ROBO2: variants seen among roughly 807,000 people sequenced by gnomAD.
ROBO2 encodes roundabout guidance receptor 2.
A neutral mutation model predicts 160.8 loss-of-function variants in ROBO2; 53 were observed. That is an observed-to-expected ratio of 0.33 (90% confidence interval 0.26 to 0.41). ROBO2 has a LOEUF of 0.41. Among genes scored for constraint, ROBO2 ranks in the 10% least tolerant of loss-of-function variants. The pLI is 1.00. For missense variants in ROBO2, 1,577 were observed against 1,722.4 expected, an observed-to-expected ratio of 0.92 and a Z score of 1.49; for synonymous variants, 664 against 611.7, an observed-to-expected ratio of 1.09 and a Z score of -1.26.
chr3:76,140,616 TTTTTTC>T (rs1169826990), intron 2 of ROBO2, among the ~76,000 whole-genome samples: 1 of 151,862 alleles, frequency 6.6e-6, no homozygotes, highest in African/African-American at 2.4e-5. Flanking sequence ...TACCTGTGCC[TTTTTTC>T]AGAGTGTTCC....
intron 2 of ROBO2, among the ~76,000 whole-genome samples, chr3:76,411,124 A>G (rs543538528): frequency 6.6e-6 from 1 of 152,284 alleles, no homozygotes; most frequent in Admixed American, 6.5e-5. Flanking sequence ...GCCATGAACA[A>G]AACTTGGCAG....
At chr3:77,220,715 A>G (rs971624972) in intron 2 of ROBO2, among the ~76,000 whole-genome samples, 2 of 152,292 alleles carry the variant, frequency 1.3e-5, no homozygotes, top group Middle Eastern at 3.4e-3. Context: ...CTTTCATGGT[A>G]GGTGTAACTA....
chr3:77,034,056 C>G (rs942470038), intron 2 of ROBO2, among the ~76,000 whole-genome samples: 1 of 150,284 alleles, frequency 6.7e-6, no homozygotes, highest in African/African-American at 2.5e-5. Flanking sequence ...AATGAAAAAG[C>G]CAAAATTGCT....
At chr3:77,056,832 T>C (rs894342426) in intron 1 of ROBO2, among the ~76,000 whole-genome samples, 2 of 152,106 alleles carry the variant, frequency 1.3e-5, no homozygotes, top group Non-Finnish European at 2.9e-5. Context: ...TATACACATA[T>C]ACACAGATGA....
chr3:76,278,023 G>A (rs1424906535), intron 2 of ROBO2, among the ~76,000 whole-genome samples: 4 of 151,646 alleles, frequency 2.6e-5, no homozygotes. Context: ...AAATAGTGAA[G>A]TAAATAATAG....
chr3:76,732,641 T>G (rs1252636736), intron 2 of ROBO2, among the ~76,000 whole-genome samples: 4 of 152,042 alleles, frequency 2.6e-5, no homozygotes, highest in Admixed American at 2.6e-4. Flanking sequence ...CACTTACTCT[T>G]TGATGGTTGA....
chr3:76,070,492 T>C (rs2068414629), intron 2 of ROBO2, among the ~76,000 whole-genome samples: 1 of 152,200 alleles, frequency 6.6e-6, no homozygotes, highest in Admixed American at 6.5e-5. Flanking sequence ...TAAGATGTTA[T>C]CAATGACAAT....
intron 2 of ROBO2, among the ~76,000 whole-genome samples, chr3:76,582,498 TGTA>T (rs1380906191): frequency 1.3e-5 from 2 of 152,176 alleles, no homozygotes; most frequent in African/African-American, 2.4e-5. Context: ...TGATGTTACT[TGTA>T]GTAAATTTTA....
intron 2 of ROBO2, among the ~76,000 whole-genome samples, chr3:76,787,673 A>G (rs1296291276): frequency 1.3e-5 from 2 of 151,490 alleles, no homozygotes; most frequent in African/African-American, 2.4e-5. Context: ...GGAAGTGACA[A>G]AGTTGTTAGC....
At chr3:77,206,095 A>G (rs891915965) in intron 2 of ROBO2, among the ~76,000 whole-genome samples, 2 of 151,918 alleles carry the variant, frequency 1.3e-5, no homozygotes, top group African/African-American at 4.8e-5. Context: ...CCTTCTCTTC[A>G]CATGCTGTCT....
chr3:76,501,233 G>A (rs1046812344), intron 2 of ROBO2, among the ~76,000 whole-genome samples: 1 of 152,142 alleles, frequency 6.6e-6, no homozygotes, highest in African/African-American at 2.4e-5. Context: ...GAAATAAATT[G>A]TTTAGTTTGC....
At chr3:76,328,053 G>A (rs2107981972) in intron 2 of ROBO2, among the ~76,000 whole-genome samples, 1 of 152,008 alleles carries the variant, frequency 6.6e-6, no homozygotes, top group Admixed American at 6.6e-5. Context: ...AGAGAAAGAA[G>A]CCTTCACTAA....
chr3:76,434,717 TC>T, intron 2 of ROBO2: 1 of 1,061,800 alleles, frequency 9.4e-7, no homozygotes, highest in Non-Finnish European at 1.5e-6. Context: ...GCCCCCCTCC[TC>T]CCCCAGTCTC....
chr3:77,269,537 A>T (rs2059352976), intron 2 of ROBO2, among the ~76,000 whole-genome samples: 1 of 152,166 alleles, frequency 6.6e-6, no homozygotes, highest in African/African-American at 2.4e-5. Context: ...ACCTTGAATA[A>T]ACAATCCCCT....
At position 76,729,247 on chromosome 3, in the gene ROBO2, T is replaced by A. The variant is rs557157737; in HGVS notation, c.110-368767T>A. Among the ~76,000 whole-genome samples, 216 of 138,772 alleles carry A rather than the reference T, an allele frequency of 1.6e-3. 1 individual carries two copies. Among genetic ancestry groups the A allele is most frequent in the African/African-American group, 5.6e-3 (208 of 37,336 alleles). 91.0% of individuals were successfully genotyped at this position (138,772 alleles called of 152,430 possible). A position where few individuals can be genotyped will look rare whatever the true frequency, so the allele number is the denominator to read the frequency against. ...CCAGAGTAACTGTCTTTTTTTTTTT[T>A]AACACAAATAAATAAAACAATTACC... On this transcript the variant is annotated intron_variant, in intron 2 of 26. Coordinates refer to the ROBO2 transcript ENST00000487694.
intron 2 of ROBO2, among the ~76,000 whole-genome samples, chr3:76,177,865 T>C (rs964550369): frequency 5.3e-5 from 8 of 152,118 alleles, no homozygotes; most frequent in Non-Finnish European, 1.5e-5. Flanking sequence ...GAGTGGCAAA[T>C]TACCTACACT....
chr3:77,259,161 A>T (rs2058618683), intron 2 of ROBO2, among the ~76,000 whole-genome samples: 1 of 152,192 alleles, frequency 6.6e-6, no homozygotes, highest in South Asian at 2.1e-4. Flanking sequence ...ACCTTCTGCT[A>T]TTAAGATTAG....
intron 2 of ROBO2, among the ~76,000 whole-genome samples, chr3:76,405,967 G>C (rs1438355955): frequency 1.3e-5 from 2 of 151,568 alleles, no homozygotes; most frequent in African/African-American, 2.4e-5. Flanking sequence ...GTAGTTACTT[G>C]TGTTTTCCTA....
At chr3:76,075,930 G>A (rs1320013901) in intron 2 of ROBO2, among the ~76,000 whole-genome samples, 1 of 152,180 alleles carries the variant, frequency 6.6e-6, no homozygotes, top group Non-Finnish European at 1.5e-5. Context: ...AAAAAGTTTG[G>A]ATTCAAATTC....
Sources: gnomAD v4.1 joint callset for allele counts (sites outside exome capture counted in the v4.1 genomes callset) on GRCh38, gnomAD v4.1.1 for gene constraint, MANE v1.5 for transcripts, NCBI Gene and HGNC (gene_info 2026-07-23, HGNC 2026-07-21) for gene names.